INTS11: variants seen among roughly 807,000 people sequenced by gnomAD.
INTS11 encodes integrator complex subunit 11.
A neutral mutation model predicts 78.6 loss-of-function variants in INTS11; 77 were observed. The ratio of observed to expected loss-of-function variants is 0.98; its 90% CI spans 0.81 to 1.18. INTS11 has a LOEUF of 1.18. INTS11 is among the 50% of genes most tolerant of loss of function. The pLI, the probability that INTS11 is intolerant of heterozygous loss-of-function variation, is 0.00. For synonymous variants in INTS11, 441 were observed against 326.9 expected (o/e 1.35, Z -3.77); for missense variants, 875 against 825.9 (o/e 1.06, Z -0.73).
At chr1:1,313,673 G>A in intron 9 of INTS11, 59 bp downstream of exon 9, 3 of 1,610,240 alleles carry the variant, frequency 1.9e-6, no homozygotes, top group African/African-American at 2.7e-5. Flanking sequence ...CCAGACACCT[G>A]CGGAAGACAG....
chr1:1,322,294 G>A (rs563391786), intron 1 of INTS11, among the ~76,000 whole-genome samples: 1 of 151,768 alleles, frequency 6.6e-6, no homozygotes, highest in Admixed American at 6.6e-5. Context: ...GACCCACAGT[G>A]ATCCCAGGAA....
rs1287391004 is a variant in INTS11, at chr1:1,319,457, T to C, written c.268A>G (p.Ile90Val). 6.2e-7 allele frequency: 1 copy of C among 1,611,744 alleles called. No individual in the cohort carries two copies. Among genetic ancestry groups the C allele is most frequent in the Non-Finnish European group, 8.5e-7 (1 of 1,179,074 alleles). The part of the protein sequence containing the change: ...FSEMVGYDGP[I>V]YMTHPTQAIC... ...GCCTGGGTGGGGTGAGTCATGTAGA[T>C]GGGCCCGTCGTAGCCCACCATCTCG... The change falls in exon 4 of 17, where the codon ATC (isoleucine) becomes GTC (valine). Residue 90 changes from isoleucine to valine, a missense_variant. Ile to Val is a conservative substitution (Grantham distance 29). Transcript: ENST00000435064.
chr1:1,318,898 C>T (rs1253947094), intron 4 of INTS11: 8 of 694,920 alleles, frequency 1.2e-5, no homozygotes, highest in Admixed American at 6.3e-5. Context: ...AACCAGGCAC[C>T]CTCCAGAGCT....
Position 1,320,476 on chromosome 1 carries a change from G to C in INTS11, c.180C>G (p.Phe60Leu). Residue 60 changes from phenylalanine to leucine, a missense_variant, in exon 3 of 17, where the codon TTC (phenylalanine) becomes TTG (leucine). Coordinates refer to ENST00000435064, the MANE Select transcript of INTS11 (RefSeq NM_017871.6). ...CCCACCTAATGATCACACAGTCCAGGAAGTCTGTTAGGCGGCCGTTCTGGG... is the reference window on the plus strand; with the variant it reads ...CCCACCTAATGATCACACAGTCCAGCAAGTCTGTTAGGCGGCCGTTCTGGG... ...YITQNGRLTD[F>L]LDCVIISHFH... is the part of the protein sequence containing the mutation. The C allele has an allele frequency of 6.2e-7, 1 of 1,613,948 alleles. No homozygotes were observed. Among genetic ancestry groups the C allele is most frequent in the Non-Finnish European group, 8.5e-7 (1 of 1,179,948 alleles).
intron 1 of INTS11, 96 bp from the exon 2 acceptor site, chr1:1,321,189 G>T: frequency 1.1e-6 from 1 of 922,086 alleles, no homozygotes; most frequent in Non-Finnish European, 1.7e-6. Context: ...GAGGAAACCG[G>T]ACCAAGTCTG....
At position 1,319,296 on chromosome 1, in the gene INTS11, C is replaced by T. The variant is rs1244445021; in HGVS notation, c.429G>A (p.Gln143=). ...CCAGCTGTGGCCCTGGGAACCTGAC[C>T]TGGACCGTCTGGTGGAGGTGGACAG... ...VVAVHLHQTV[Q]VDDELEIKAY... Residue 143 remains glutamine (Q), a splice_region_variant and synonymous_variant, in exon 4 of 17, where the codon CAG becomes CAA. Coordinates refer to ENST00000435064, the MANE Select transcript of INTS11 (RefSeq NM_017871.6). The T allele has an allele frequency of 3.7e-6, 6 of 1,611,950 alleles. No individual in the cohort carries two copies. Among genetic ancestry groups the T allele is most frequent in the Non-Finnish European group, 5.1e-6 (6 of 1,178,894 alleles).
intron 3 of INTS11, 109 bp downstream of exon 3, chr1:1,320,347 G>C: frequency 9.9e-7 from 1 of 1,007,638 alleles, no homozygotes; most frequent in Non-Finnish European, 1.6e-6. Context: ...GCCCCCTGAG[G>C]ATCAAGGATG....
Position 1,312,453 on chromosome 1 carries a change from A to T in INTS11, c.1451T>A (p.Ile484Asn), listed in dbSNP as rs1200842786. The change falls in exon 14 of 17, where the codon ATC (isoleucine) becomes AAC (asparagine). Residue 484 changes from isoleucine to asparagine, a missense_variant. Transcript: ENST00000435064. ...CCTGGCACTCACGCTGTCCTTCATGATCAGGGTGCCGTGCAGGAGCCGAGG... is the reference window on the plus strand; with the variant it reads ...CCTGGCACTCACGCTGTCCTTCATGTTCAGGGTGCCGTGCAGGAGCCGAGG... ...KKPRLLHGTLIMKDSNFRLVS... is the reference protein window; with the variant it reads ...KKPRLLHGTLNMKDSNFRLVS... The T allele has an allele frequency of 6.4e-7, 1 of 1,571,866 alleles. No homozygotes were observed. The highest frequency in any genetic ancestry group is 2.4e-5 in the East Asian group (1 of 42,386).
At chr1:1,313,331 A>G (rs1012183598) in intron 10 of INTS11, 178 bp downstream of exon 10, 6 of 883,720 alleles carry the variant, frequency 6.8e-6, no homozygotes, top group Non-Finnish European at 1.1e-5. Flanking sequence ...GAGGTGGACA[A>G]GCTGTGTCAC....
chr1:1,319,661 T>G (rs994885701), intron 3 of INTS11, 137 bp from the exon 4 acceptor site: 1 of 615,246 alleles, frequency 1.6e-6, no homozygotes, highest in Non-Finnish European at 2.8e-6. Flanking sequence ...GAGTCAGTAA[T>G]GAGCAAACAC....
At chr1:1,320,822 AC>A in intron 2 of INTS11, 173 bp downstream of exon 2, 1 of 748,032 alleles carries the variant, frequency 1.3e-6, no homozygotes, top group Non-Finnish European at 2.4e-6. Context: ...GGGGGACCCC[AC>A]CATGCAGGGG....
chr1:1,312,008 C>A lies in INTS11; in HGVS notation c.1737+10G>T. ...GTGTTGACCGCGGTGGGGTGGGGGT[C>A]ACCCCTTACCTGGTAGGTCCAGGAG... On this transcript the variant is annotated intron_variant, in intron 16 of 16. Coordinates refer to ENST00000435064, the MANE Select transcript of INTS11 (RefSeq NM_017871.6). 1 of 1,583,638 alleles carries A rather than the reference C, an allele frequency of 6.3e-7. No individual in the cohort carries two copies. Among genetic ancestry groups the A allele is most frequent in the South Asian group, 1.1e-5 (1 of 87,668 alleles).
Position 1,312,944 on chromosome 1 carries a change from C to G in INTS11, c.1137G>C (p.Glu379Asp). 1.2e-6 allele frequency: 2 copies of G among 1,611,812 alleles called. No individual in the cohort carries two copies. The highest frequency in any genetic ancestry group is 1.7e-6 in the Non-Finnish European group (2 of 1,179,200). ...KLEMEGRQVL[E>D]VKMQVEYMSF... The stretch of plus-strand genomic sequence containing the variant: ...ACATGTACTCCACCTGCATCTTGAC[C>G]TCCAGCTACAGAGGCCACGGGGCGT... Residue 379 changes from glutamate to aspartate, a missense_variant, in exon 12 of 17, where the codon GAG (glutamate) becomes GAC (aspartate). Glu to Asp is a conservative substitution (Grantham distance 45). Coordinates refer to ENST00000435064, the MANE Select transcript of INTS11 (RefSeq NM_017871.6).
At position 1,316,554 on chromosome 1, in the gene INTS11, C is replaced by G. The variant is rs545700768; in HGVS notation, c.430-936G>C. On this transcript the variant is annotated intron_variant, in intron 4 of 16. Coordinates refer to ENST00000435064, the MANE Select transcript of INTS11 (RefSeq NM_017871.6). Reference sequence around the variant, plus strand: ...TGAGCTGAGATTGTGCCATTGCACTCCAGCCTGGGCAACAAGAGCGAGAGT... The same window carrying G: ...TGAGCTGAGATTGTGCCATTGCACTGCAGCCTGGGCAACAAGAGCGAGAGT... 5.9e-5 allele frequency: 9 copies of G among 152,126 alleles called. No individual in the cohort carries two copies. The East Asian group carries it at 1.5e-3, about 26-fold the overall frequency. The allele number at this position is 152,126 out of a possible 1,614,324, so 9.4% of individuals were successfully genotyped here.
At chr1:1,316,078 T>C (rs1222485450) in intron 4 of INTS11, 1 of 188,160 alleles carries the variant, frequency 5.3e-6, no homozygotes, top group East Asian at 1.6e-4. Flanking sequence ...GGTCAGGAAT[T>C]GGAGACCAGC....
rs752855945 is a variant in INTS11 at position 1,321,108 on chromosome 1, G to A, written c.29-15C>T. 6.3e-7 allele frequency: 1 copy of A among 1,599,418 alleles called. No homozygotes were observed. The highest frequency in any genetic ancestry group is 8.5e-7 in the Non-Finnish European group (1 of 1,170,088). On this transcript the variant is annotated splice_polypyrimidine_tract_variant and intron_variant, in intron 1 of 16. Transcript: ENST00000435064. ...CTGGCCGGCCCCTACTCGAGGGAGG[G>A]CAGATGAGTCACTGCTGCGCCCCCC...
intron 6 of INTS11, 91 bp from the exon 7 acceptor site, chr1:1,315,053 C>G: frequency 6.7e-7 from 1 of 1,489,808 alleles, no homozygotes; most frequent in Non-Finnish European, 9.2e-7. Context: ...GTACCACGCC[C>G]AGCCGCCTTC....
chr1:1,319,388 CT>C lies in INTS11; in HGVS notation c.336del (p.Asp113ThrfsTer13). The C allele has an allele frequency of 6.2e-7, 1 of 1,613,406 alleles. No homozygotes were observed. The highest frequency in any genetic ancestry group is 1.6e-4 in the Middle Eastern group (1 of 6,062). On this transcript the variant is annotated frameshift_variant, in exon 4 of 17. Transcript: ENST00000435064. LOFTEE classifies it high-confidence loss of function. ...AAGAAGTTGGCCTCGCCCTTCTTGTCTACGGCGATCTTGCGGTAGTCCTCCA... is the reference window on the plus strand; with the variant it reads ...AAGAAGTTGGCCTCGCCCTTCTTGTCACGGCGATCTTGCGGTAGTCCTCCA... ...ILLEDYRKIAVDKKGEANFFT... is the reference protein window; with the variant it reads ...ILLEDYRKIAXDKKGEANFFT...
In INTS11 at chr1:1,312,213, G is replaced by GCCGCCCCCCCCC; in HGVS notation, c.1607+12_1607+13insGGGGGGGGGCGG. 1 of 934,584 alleles carries GCCGCCCCCCCCC rather than the reference G, an allele frequency of 1.1e-6. No individual in the cohort carries two copies. Among genetic ancestry groups the GCCGCCCCCCCCC allele is most frequent in the Non-Finnish European group, 1.6e-6 (1 of 636,640 alleles). The allele number at this position is 934,584 out of a possible 1,614,324, so 57.9% of individuals were successfully genotyped here. A position where few individuals can be genotyped will look rare whatever the true frequency, so the allele number is the denominator to read the frequency against. Reference sequence around the variant, plus strand: ...CCCAAGGGAGTGGGGGGGGGGCGGGGCCGGGCGCCCACCTCTTGAGGTGGC... The same window carrying GCCGCCCCCCCCC: ...CCCAAGGGAGTGGGGGGGGGGCGGGGCCGCCCCCCCCCCCGGGCGCCCACCTCTTGAGGTGGC... On this transcript the variant is annotated intron_variant, in intron 15 of 16. Transcript: ENST00000435064.
Sources: allele counts gnomAD v4.1 joint callset (sites outside exome capture counted in the v4.1 genomes callset), GRCh38; gene constraint gnomAD v4.1.1; transcripts MANE v1.5; gene names NCBI Gene and HGNC (gene_info 2026-07-23, HGNC 2026-07-21).